AP5B1: variants seen among roughly 807,000 people sequenced by gnomAD.
AP5B1 encodes adaptor related protein complex 5 subunit beta 1.
Under a neutral mutation model 5.7 loss-of-function variants are expected in AP5B1, and 3 were observed. The observed-to-expected ratio is 0.53, with a 90% CI of 0.24 to 1.36. The LOEUF is 1.36. Among genes scored for constraint, AP5B1 ranks in the 40% most tolerant of loss-of-function variants. The probability of loss-of-function intolerance (pLI) is 0.17; values close to 1 mark genes in which losing one functional copy is unlikely to be tolerated. For missense variants in AP5B1, 1,310 were observed against 1,143.2 expected (o/e 1.15, Z -2.10); for synonymous variants, 696 against 555.5 (o/e 1.25, Z -3.56).
chr11:65,778,365 C>T lies in AP5B1; in HGVS notation c.2128G>A (p.Val710Ile). The T allele has an allele frequency of 6.2e-7, 1 of 1,608,864 alleles. No homozygotes were observed. The highest frequency in any genetic ancestry group is 1.7e-5 in the Admixed American group (1 of 59,134). The change falls in exon 2 of 2, where the codon GTC (valine) becomes ATC (isoleucine). Residue 710 changes from valine to isoleucine, a missense_variant. Val to Ile is a conservative substitution (Grantham distance 29). Transcript: ENST00000532090. Reference sequence around the variant, plus strand: ...CCAGGACACAGGCAGGGCACATGGACAGCCTCCAGGGGTGCATACAGCTGT... The same window carrying T: ...CCAGGACACAGGCAGGGCACATGGATAGCCTCCAGGGGTGCATACAGCTGT... ...EGQLYAPLEA[V>I]HVPCLCPGRP...
chr11:65,774,152 ATTGTT>A lies in AP5B1; in HGVS notation c.*3699_*3703del, dbSNP rs1857738449. On this transcript the variant is annotated 3_prime_UTR_variant, in exon 2 of 2. Transcript: ENST00000532090. Reference sequence around the variant, plus strand: ...ACCTCCCAACCCATCAGGGCCAGGAATTGTTTTAAGTTTTTTCTGAGATTCCCTCG... The same window carrying A: ...ACCTCCCAACCCATCAGGGCCAGGAATTAAGTTTTTTCTGAGATTCCCTCG... Among the ~76,000 whole-genome samples, 1 of 152,184 alleles carries A rather than the reference ATTGTT, an allele frequency of 6.6e-6. No homozygotes were observed. The highest frequency in any genetic ancestry group is 1.5e-5 in the Non-Finnish European group (1 of 68,024).
In AP5B1 at chr11:65,777,704, C is replaced by T; in HGVS notation, c.*152G>A. On this transcript the variant is annotated 3_prime_UTR_variant, in exon 2 of 2. Transcript: ENST00000532090. ...CAGCAAAAACAGACTCAGACAGACC[C>T]TCACCCCCAGGAGCCTGCTCCCAAC... 1 of 879,332 alleles carries T rather than the reference C, an allele frequency of 1.1e-6. No individual in the cohort carries two copies. The highest frequency in any genetic ancestry group is 1.7e-6 in the Non-Finnish European group (1 of 596,300). The allele number at this position is 879,332 out of a possible 1,614,324, so 54.5% of individuals were successfully genotyped here.
Position 65,779,019 on chromosome 11 carries a change from G to A in AP5B1, c.1474C>T (p.Gln492Ter). The A allele has an allele frequency of 6.2e-7, 1 of 1,608,992 alleles. No homozygotes were observed. The highest frequency in any genetic ancestry group is 8.5e-7 in the Non-Finnish European group (1 of 1,177,832). The change falls in exon 2 of 2, where the codon CAG becomes TAG. Residue 492 changes from glutamine to a stop codon, truncating the protein, a stop_gained. Coordinates refer to ENST00000532090, the MANE Select transcript of AP5B1 (RefSeq NM_138368.5). LOFTEE classifies it low-confidence loss of function (END_TRUNC). ...AGCATGGGCCGGGCTTGGTACAGCT[G>A]GGCCAGTCCGTGGATCAAGGGGGTC... ...VLTPLIHGLA[Q>*]LYQARPMLAP...
In AP5B1 at chr11:65,780,825, T is replaced by G; in HGVS notation, c.-234A>C. 2 of 339,226 alleles carry G rather than the reference T, an allele frequency of 5.9e-6. No individual in the cohort carries two copies. The highest frequency in any genetic ancestry group is 1.0e-5 in the Non-Finnish European group (2 of 192,492). The allele number at this position is 339,226 out of a possible 1,614,324, so 21.0% of individuals were successfully genotyped here. ...CAGGAGCAGGGCGGGGGAGGGTGCG[T>G]GCCGAGAGCTCGTTAGGCCGCCTCC... On this transcript the variant is annotated 5_prime_UTR_variant, in exon 1 of 2. Coordinates refer to ENST00000532090, the MANE Select transcript of AP5B1 (RefSeq NM_138368.5).
rs778954460 is a variant in AP5B1, at chr11:65,778,975, G to A, written c.1518C>T (p.Asp506=). ...ARPMLAPHFV[D]LLDQVDSELR... ...GCTCAGAGTCCACCTGATCCAAGAG[G>A]TCCACAAAGTGGGGAGCCAGCATGG... The change falls in exon 2 of 2, where the codon GAC becomes GAT. Residue 506 remains aspartate, a synonymous_variant. Transcript: ENST00000532090. The A allele has an allele frequency of 1.4e-5, 22 of 1,612,538 alleles. No individual in the cohort carries two copies. Among genetic ancestry groups the A allele is most frequent in the Non-Finnish European group, 1.8e-5 (21 of 1,179,742 alleles).
rs1364535788 is a variant in AP5B1, at chr11:65,780,599, C to A, written c.-8G>T. The A allele has an allele frequency of 1.4e-6, 2 of 1,422,940 alleles. No homozygotes were observed. Among genetic ancestry groups the A allele is most frequent in the Non-Finnish European group, 1.8e-6 (2 of 1,090,360 alleles). 88.1% of individuals were successfully genotyped at this position (1,422,940 alleles called of 1,614,324 possible). A position where few individuals can be genotyped will look rare whatever the true frequency, so the allele number is the denominator to read the frequency against. ...CCGGCTCAGGGGCCCCATGGTGAGGCGCGCGGGCCCCTGCGCAGGGAAGAG... is the reference window on the plus strand; with the variant it reads ...CCGGCTCAGGGGCCCCATGGTGAGGAGCGCGGGCCCCTGCGCAGGGAAGAG... On this transcript the variant is annotated 5_prime_UTR_variant, in exon 1 of 2. Transcript: ENST00000532090.
chr11:65,780,454 G>C lies in AP5B1; in HGVS notation c.138C>G (p.Ser46Arg). ...CGTGGGGGCCTACCTTGGTCTGTTC[G>C]CTCAGCTTCTCACTTCTCAGGTCGC... ...LLSDLRSEKL[S>R]EQTKVSLLAL... The change falls in exon 1 of 2, where the codon AGC becomes AGG. Residue 46 changes from serine to arginine, a missense_variant. By Grantham distance (110) the Ser-to-Arg change is moderately radical (BLOSUM62 -1). Coordinates refer to ENST00000532090, the MANE Select transcript of AP5B1 (RefSeq NM_138368.5). 6.6e-7 allele frequency: 1 copy of C among 1,514,130 alleles called. No individual in the cohort carries two copies. The allele number at this position is 1,514,130 out of a possible 1,614,324, so 93.8% of individuals were successfully genotyped here.
rs374805441 is a variant in AP5B1 at position 65,779,147 on chromosome 11, C to G, written c.1346G>C (p.Arg449Pro). Reference protein sequence around the residue: ...HYLEELLAGLRQRAALDGGPR... With the variant: ...HYLEELLAGLPQRAALDGGPR... ...GCCCCCATCCAGGGCTGCCCGCTGC[C>G]GCAAGCCAGCCAGCAGCTCTTCCAG... The change falls in exon 2 of 2, where the codon CGG becomes CCG. Residue 449 changes from arginine to proline, a missense_variant. Transcript: ENST00000532090. 1.2e-6 allele frequency: 2 copies of G among 1,610,610 alleles called. No individual in the cohort carries two copies. Among genetic ancestry groups the G allele is most frequent in the African/African-American group, 1.3e-5 (1 of 75,042 alleles).
In AP5B1 at chr11:65,778,350, G is replaced by C. The variant is rs201648975; in HGVS notation, c.2143C>G (p.Leu715Val). 684 of 1,611,028 alleles carry C rather than the reference G, an allele frequency of 4.2e-4. 5 individuals carry two copies. In the African/African-American group the frequency reaches 7.1e-3, roughly 17 times the overall value. Reference protein sequence around the residue: ...APLEAVHVPCLCPGRPARPLL... With the variant: ...APLEAVHVPCVCPGRPARPLL... ...GGGCGGGCAGGGCGGCCAGGACACAGGCAGGGCACATGGACAGCCTCCAGG... is the reference window on the plus strand; with the variant it reads ...GGGCGGGCAGGGCGGCCAGGACACACGCAGGGCACATGGACAGCCTCCAGG... The change falls in exon 2 of 2, where the codon CTG (leucine) becomes GTG (valine). Residue 715 changes from leucine (L) to valine (V), a missense_variant. Transcript: ENST00000532090.
In AP5B1 at chr11:65,780,588, C is replaced by T; in HGVS notation, c.4G>A (p.Gly2Arg). ...GCCCAGGCGTCCCGGCTCAGGGGCC[C>T]CATGGTGAGGCGCGCGGGCCCCTGC... is the stretch of plus-strand genomic sequence containing the variant. Reference protein sequence around the residue: MGPLSRDAWAQR... With the variant: MRPLSRDAWAQR... Residue 2 changes from glycine (G) to arginine (R), a missense_variant, in exon 1 of 2, where the codon GGG (glycine) becomes AGG (arginine). Physicochemically the swap from Gly to Arg is moderately radical, Grantham distance 125. Coordinates refer to ENST00000532090, the MANE Select transcript of AP5B1 (RefSeq NM_138368.5). 6.9e-7 allele frequency: 1 copy of T among 1,447,606 alleles called. No individual in the cohort carries two copies. The highest frequency in any genetic ancestry group is 9.1e-7 in the Non-Finnish European group (1 of 1,102,884). The allele number at this position is 1,447,606 out of a possible 1,614,324, so 89.7% of individuals were successfully genotyped here.
Position 65,777,845 on chromosome 11 carries a change from T to C in AP5B1, c.*11A>G. 1 of 1,506,574 alleles carries C rather than the reference T, an allele frequency of 6.6e-7. No individual in the cohort carries two copies. Among genetic ancestry groups the C allele is most frequent in the Non-Finnish European group, 8.9e-7 (1 of 1,124,646 alleles). The allele number at this position is 1,506,574 out of a possible 1,614,324, so 93.3% of individuals were successfully genotyped here. On this transcript the variant is annotated 3_prime_UTR_variant, in exon 2 of 2. Transcript: ENST00000532090. ...GGGCCACAGTCCTGCCCCCACCTGGTCTCCCGGGGCTCAGACAGCAGCCGC... is the reference window on the plus strand; with the variant it reads ...GGGCCACAGTCCTGCCCCCACCTGGCCTCCCGGGGCTCAGACAGCAGCCGC...
chr11:65,780,304 C>A lies in AP5B1; in HGVS notation c.189G>T (p.Gln63His). The A allele has an allele frequency of 6.7e-7, 1 of 1,497,270 alleles. No individual in the cohort carries two copies. Among genetic ancestry groups the A allele is most frequent in the Admixed American group, 2.4e-5 (1 of 41,436 alleles). 92.7% of individuals were successfully genotyped at this position (1,497,270 alleles called of 1,614,324 possible). A position where few individuals can be genotyped will look rare whatever the true frequency, so the allele number is the denominator to read the frequency against. ...CGGCCGCAGAGGCGTCGGGCCACAG[C>A]TGCGCAGGGTACTCCATGCTCAGGG... is the stretch of plus-strand genomic sequence containing the variant. ...LLALSMEYPAQLWPDASAAEV... is the reference protein window; with the variant it reads ...LLALSMEYPAHLWPDASAAEV... The change falls in exon 2 of 2, where the codon CAG becomes CAT. Residue 63 changes from glutamine to histidine, a missense_variant. Physicochemically the swap from Gln to His is conservative, Grantham distance 24 (BLOSUM62 0). Coordinates refer to ENST00000532090, the MANE Select transcript of AP5B1 (RefSeq NM_138368.5).
At position 65,779,533 on chromosome 11, in the gene AP5B1, C is replaced by T. The variant is rs1857816444; in HGVS notation, c.960G>A (p.Gln320=). The T allele has an allele frequency of 1.2e-6, 2 of 1,606,986 alleles. No homozygotes were observed. Among genetic ancestry groups the T allele is most frequent in the African/African-American group, 2.7e-5 (2 of 75,016 alleles). Residue 320 remains glutamine (Q), a synonymous_variant, in exon 2 of 2, where the codon CAG becomes CAA. Transcript: ENST00000532090. ...CAAGCATGGCGTGCAACAGTGTCAG[C>T]TGTGCTGTGCCTAGCAGCCGTACCA... ...PQLVRLLGTA[Q]LTLLHAMLAL... is the part of the protein sequence containing the mutation.
rs550864645 is a variant in AP5B1 at position 65,780,961 on chromosome 11, C to T, written c.-370G>A. On this transcript the variant is annotated 5_prime_UTR_variant, in exon 1 of 2. Coordinates refer to ENST00000532090, the MANE Select transcript of AP5B1 (RefSeq NM_138368.5). ...AGCCGCCGCGGGCACTCAGGCCGGC[C>T]GGCTCCTTCCGGGCTGGCGGCGCGG... Among the ~76,000 whole-genome samples the T allele has an allele frequency of 8.0e-3, 1,194 of 149,066 alleles. 19 individuals are homozygous for T. The highest frequency in any genetic ancestry group is 0.027 in the African/African-American group (1,115 of 41,196).
At position 65,778,390 on chromosome 11, in the gene AP5B1, T is replaced by TC; in HGVS notation, c.2102dup (p.Gln702ThrfsTer82). ...CAGCCTCCAGGGGTGCATACAGCTGTCCTTCCACACGGAAGCGCAGCTCCA... is the reference window on the plus strand; with the variant it reads ...CAGCCTCCAGGGGTGCATACAGCTGTCCCTTCCACACGGAAGCGCAGCTCCA... On this transcript the variant is annotated frameshift_variant, in exon 2 of 2. Transcript: ENST00000532090. LOFTEE classifies it low-confidence loss of function (END_TRUNC). The TC allele has an allele frequency of 1.2e-6, 2 of 1,601,520 alleles. No homozygotes were observed. The highest frequency in any genetic ancestry group is 1.7e-6 in the Non-Finnish European group (2 of 1,175,472).
In AP5B1 at chr11:65,779,890, G is replaced by A; in HGVS notation, c.603C>T (p.Ser201=). 4 of 1,594,382 alleles carry A rather than the reference G, an allele frequency of 2.5e-6. No homozygotes were observed. The highest frequency in any genetic ancestry group is 2.3e-5 in the South Asian group (2 of 88,806). ...GTCCCCCCAGGCCAGCCCCAACCCG[G>A]GACTGGAGCACCAAGGTGTTGCGCA... ...LALRNTLVLQ[S]RVGAGLGGLL... The change falls in exon 2 of 2, where the codon TCC becomes TCT. Residue 201 remains serine (S), a synonymous_variant. Transcript: ENST00000532090.
rs1857831550 is a variant in AP5B1 at position 65,780,187 on chromosome 11, A to G, written c.306T>C (p.Thr102=). Residue 102 remains threonine, a synonymous_variant, in exon 2 of 2, where the codon ACT becomes ACC. Coordinates refer to ENST00000532090, the MANE Select transcript of AP5B1 (RefSeq NM_138368.5). ...CCAGCGCGCCGCCCGCCGCCAGGGC[A>G]GTGGTGGCCGCCAGCAGCAGTGGCC... The part of the protein sequence containing the change: ...LRRPLLLAAT[T]ALAAGGALGP... The G allele has an allele frequency of 6.7e-6, 10 of 1,497,200 alleles. No homozygotes were observed. Among genetic ancestry groups the G allele is most frequent in the Non-Finnish European group, 8.0e-6 (9 of 1,126,224 alleles). 92.7% of individuals were successfully genotyped at this position (1,497,200 alleles called of 1,614,324 possible). A position where few individuals can be genotyped will look rare whatever the true frequency, so the allele number is the denominator to read the frequency against.
rs756532170 is a variant in AP5B1 at position 65,779,880 on chromosome 11, C to A, written c.613G>T (p.Ala205Ser). Residue 205 changes from alanine (A) to serine (S), a missense_variant, in exon 2 of 2, where the codon GCT (alanine) becomes TCT (serine). Physicochemically the swap from Ala to Ser is moderately conservative, Grantham distance 99. Coordinates refer to ENST00000532090, the MANE Select transcript of AP5B1 (RefSeq NM_138368.5). Reference sequence around the variant, plus strand: ...TCCGTGAGCAGTCCCCCCAGGCCAGCCCCAACCCGGGACTGGAGCACCAAG... The same window carrying A: ...TCCGTGAGCAGTCCCCCCAGGCCAGACCCAACCCGGGACTGGAGCACCAAG... ...NTLVLQSRVG[A>S]GLGGLLTDKV... is the part of the protein sequence containing the mutation. 1.3e-6 allele frequency: 2 copies of A among 1,594,846 alleles called. No individual in the cohort carries two copies. The highest frequency in any genetic ancestry group is 1.7e-5 in the Admixed American group (1 of 57,758).
Position 65,780,645 on chromosome 11 carries a change from C to T in AP5B1, c.-54G>A. ...AAGAGGGACCCTCAGGCCGCAGCCACCGGGAGCGCGGGGCCCGCTGCCGAC... is the reference window on the plus strand; with the variant it reads ...AAGAGGGACCCTCAGGCCGCAGCCATCGGGAGCGCGGGGCCCGCTGCCGAC... On this transcript the variant is annotated 5_prime_UTR_variant, in exon 1 of 2. The change creates a new upstream start codon in the 5' untranslated region. Coordinates refer to ENST00000532090, the MANE Select transcript of AP5B1 (RefSeq NM_138368.5). 5 of 1,299,004 alleles carry T rather than the reference C, an allele frequency of 3.8e-6. No homozygotes were observed. Among genetic ancestry groups the T allele is most frequent in the Non-Finnish European group, 4.9e-6 (5 of 1,024,410 alleles). The allele number at this position is 1,299,004 out of a possible 1,614,324, so 80.5% of individuals were successfully genotyped here.
Sources: allele counts gnomAD v4.1 joint callset (sites outside exome capture counted in the v4.1 genomes callset), GRCh38; gene constraint gnomAD v4.1.1; transcripts MANE v1.5; gene names NCBI Gene and HGNC (gene_info 2026-07-23, HGNC 2026-07-21).